The following GIPC2 variants were observed in gnomAD, a reference collection of about 807,000 sequenced individuals.
GIPC2 encodes the protein GIPC PDZ domain containing family member 2, also known as PDZ domain-containing protein GIPC2.
In GIPC2, 30 loss-of-function variants were observed where a neutral mutation model predicts 30.6. The observed-to-expected ratio is 0.98, with a 90% CI of 0.73 to 1.33. The LOEUF is 1.33. GIPC2 is among the 40% of genes most tolerant of loss of function. The pLI is 0.00. For synonymous variants in GIPC2, 167 were observed against 150.0 expected, an observed-to-expected ratio of 1.11 and a Z score of -0.83; for missense variants, 414 against 390.3, an observed-to-expected ratio of 1.06 and a Z score of -0.51.
intron 1 of GIPC2, among the ~76,000 whole-genome samples, chr1:78,055,757 C>T (rs1661284081): frequency 6.6e-6 from 1 of 152,144 alleles, no homozygotes; most frequent in African/African-American, 2.4e-5. Context: ...GGGTCAGGTT[C>T]ATCTCTGCTC....
intron 1 of GIPC2, among the ~76,000 whole-genome samples, chr1:78,054,203 C>T (rs1314924406): frequency 6.6e-6 from 1 of 152,156 alleles, no homozygotes; most frequent in Non-Finnish European, 1.5e-5. Context: ...AATCTGGATA[C>T]CTGCTATTGC....
At chr1:78,112,005 C>T (rs753278372) in intron 3 of GIPC2, among the ~76,000 whole-genome samples, 7 of 152,188 alleles carry the variant, frequency 4.6e-5, no homozygotes, top group Admixed American at 6.5e-5. Flanking sequence ...TTACAAGCAT[C>T]GTGATACCAC....
chr1:78,129,177 C>T (rs1186088913), intron 5 of GIPC2, among the ~76,000 whole-genome samples: 2 of 151,966 alleles, frequency 1.3e-5, no homozygotes, highest in African/African-American at 2.4e-5. Context: ...ACATGAAAAG[C>T]CATTATCATT....
intron 3 of GIPC2, among the ~76,000 whole-genome samples, chr1:78,105,311 G>A (rs1034481263): frequency 1.4e-5 from 2 of 140,730 alleles, no homozygotes; most frequent in African/African-American, 2.7e-5. Flanking sequence ...TTTTTGAGAT[G>A]GAGTCTCACT....
chr1:78,073,018 C>T (rs1214763703), intron 1 of GIPC2, among the ~76,000 whole-genome samples: 1 of 151,258 alleles, frequency 6.6e-6, no homozygotes, highest in Non-Finnish European at 1.5e-5. Context: ...ACTGTATTAG[C>T]CAGGATGGTC....
intron 5 of GIPC2, among the ~76,000 whole-genome samples, chr1:78,133,749 A>ATT (rs1278436370): frequency 6.2e-5 from 6 of 96,614 alleles, no homozygotes; most frequent in East Asian, 3.4e-4. Flanking sequence ...GGAAAAAAAA[A>ATT]TTGTGTGTGT....
chr1:78,049,399 G>A (rs1359632296), intron 1 of GIPC2, among the ~76,000 whole-genome samples: 4 of 152,182 alleles, frequency 2.6e-5, no homozygotes, highest in East Asian at 3.8e-4. Flanking sequence ...GACCTCAGGT[G>A]ATCTGCCCGC....
At chr1:78,068,035 T>C (rs1168842720) in intron 1 of GIPC2, among the ~76,000 whole-genome samples, 1 of 152,170 alleles carries the variant, frequency 6.6e-6, no homozygotes, top group Non-Finnish European at 1.5e-5. Flanking sequence ...GCAATTTCAG[T>C]CAACTAAGTT....
At chr1:78,116,777 C>T (rs1662575861) in intron 3 of GIPC2, among the ~76,000 whole-genome samples, 2 of 152,268 alleles carry the variant, frequency 1.3e-5, no homozygotes, top group Non-Finnish European at 1.5e-5. Context: ...TGGGTTGGTT[C>T]CAAGTCTTTG....
intron 3 of GIPC2, among the ~76,000 whole-genome samples, chr1:78,096,710 TAC>T (rs1377559896): frequency 6.6e-6 from 1 of 152,222 alleles, no homozygotes; most frequent in East Asian, 1.9e-4. Flanking sequence ...TGTACCTAAC[TAC>T]TATTGAACCG....
At chr1:78,065,207 T>C (rs1661482006) in intron 1 of GIPC2, among the ~76,000 whole-genome samples, 1 of 152,084 alleles carries the variant, frequency 6.6e-6, no homozygotes, top group South Asian at 2.1e-4. Flanking sequence ...AGGACTGTAA[T>C]TAAAAGAGTA....
intron 1 of GIPC2, chr1:78,069,189 G>A: frequency 1.7e-6 from 1 of 581,644 alleles, no homozygotes; most frequent in Non-Finnish European, 2.2e-6. Context: ...GTTCTTGGCT[G>A]CTCTTCACCC....
At chr1:78,055,461 A>G (rs915342260) in intron 1 of GIPC2, among the ~76,000 whole-genome samples, 15 of 152,186 alleles carry the variant, frequency 9.9e-5, no homozygotes, top group African/African-American at 3.6e-4. Context: ...CATTCTGTTC[A>G]GGTTAAAGCA....
chr1:78,137,895 A>G lies in GIPC2; in HGVS notation c.*2152A>G, dbSNP rs1293911630. On this transcript the variant is annotated 3_prime_UTR_variant, in exon 6 of 6. Transcript: ENST00000370759. ...CAGTCACATAATATATAAGTGTGGG[A>G]TACCCTTCTGCAGCTTCAGTGAGAC... 1 of 152,108 alleles carries G rather than the reference A, an allele frequency of 6.6e-6. No individual in the cohort carries two copies. The highest frequency in any genetic ancestry group is 1.5e-5 in the Non-Finnish European group (1 of 68,020). The allele number at this position is 152,108 out of a possible 1,614,324, so 9.4% of individuals were successfully genotyped here.
intron 1 of GIPC2, among the ~76,000 whole-genome samples, chr1:78,072,969 TA>T (rs1661650962): frequency 2.0e-5 from 1 of 49,236 alleles, no homozygotes; most frequent in African/African-American, 4.1e-5. Context: ...CACGCCCAGC[TA>T]ATTTTTTTTT....
Position 78,058,721 on chromosome 1 carries a change from TC to T in GIPC2, c.240+12389del, listed in dbSNP as rs1276339647. Among the ~76,000 whole-genome samples, 3 of 152,200 alleles carry T rather than the reference TC, an allele frequency of 2.0e-5. No homozygotes were observed. In the East Asian group the frequency reaches 5.8e-4, roughly 29 times the overall value. On this transcript the variant is annotated intron_variant, in intron 1 of 5. Coordinates refer to ENST00000370759, the MANE Select transcript of GIPC2 (RefSeq NM_017655.6). ...GAGAAGTCCACTAAAAATTTAAATA[TC>T]CAAGAATCTTGGTGTTTATTATTCC...
chr1:78,116,729 C>G (rs905234987), intron 3 of GIPC2, among the ~76,000 whole-genome samples: 10 of 152,154 alleles, frequency 6.6e-5, no homozygotes, highest in African/African-American at 2.2e-4. Context: ...TGTATATGTG[C>G]CACATTTTCT....
chr1:78,064,497 G>A (rs779522578), intron 1 of GIPC2, among the ~76,000 whole-genome samples: 2 of 152,154 alleles, frequency 1.3e-5, no homozygotes, highest in Non-Finnish European at 2.9e-5. Context: ...CAGCAATACT[G>A]TTTTATACTT....
chr1:78,046,164 C>G lies in GIPC2; in HGVS notation c.70C>G (p.Pro24Ala), dbSNP rs1320365490. The G allele has an allele frequency of 7.7e-6, 12 of 1,555,770 alleles. No homozygotes were observed. The African/African-American group carries it at 1.1e-4, about 14-fold the overall frequency. ...GACCGCCGGGCTGGTGGAGGGCGAG[C>G]CGACGGGCGCGGGCGGCGGGAGCCT... is the stretch of plus-strand genomic sequence containing the variant. ...KETAGLVEGEPTGAGGGSLSA... is the reference protein window; with the variant it reads ...KETAGLVEGEATGAGGGSLSA... The change falls in exon 1 of 6, where the codon CCG becomes GCG. Residue 24 changes from proline to alanine, a missense_variant. By Grantham distance (27) the Pro-to-Ala change is conservative (BLOSUM62 -1). Transcript: ENST00000370759.
Sources: allele counts gnomAD v4.1 joint callset (sites outside exome capture counted in the v4.1 genomes callset), GRCh38; gene constraint gnomAD v4.1.1; transcripts MANE v1.5; gene names NCBI Gene and HGNC (gene_info 2026-07-23, HGNC 2026-07-21).